The following TSPEAR variants were observed in gnomAD, a reference collection of about 807,000 sequenced individuals.
TSPEAR encodes thrombospondin-type laminin G domain and EAR repeat-containing protein.
A neutral mutation model predicts 71.6 loss-of-function variants in TSPEAR; 69 were observed. The observed-to-expected ratio is 0.96, with a 90% confidence interval of 0.79 to 1.18. The LOEUF is 1.18. Among genes scored for constraint, TSPEAR ranks in the 50% most tolerant of loss-of-function variants. The pLI is 0.00. For synonymous variants in TSPEAR, 402 were observed against 387.2 expected, an observed-to-expected ratio of 1.04 and a Z score of -0.45; for missense variants, 971 against 894.9, an observed-to-expected ratio of 1.09 and a Z score of -1.09.
chr21:44,612,189 T>C lies in TSPEAR; in HGVS notation c.83-44184A>G. The C allele has an allele frequency of 6.2e-7, 1 of 1,613,782 alleles. No homozygotes were observed. The highest frequency in any genetic ancestry group is 8.5e-7 in the Non-Finnish European group (1 of 1,179,968). On this transcript the variant is annotated intron_variant, in intron 1 of 11. Coordinates refer to ENST00000323084, the MANE Select transcript of TSPEAR (RefSeq NM_144991.3). The surrounding 1 kb of genome is among the most constrained non-coding windows in gnomAD (Gnocchi z 4.1). Reference sequence around the variant, plus strand: ...AGTGACGTGGGCCATGTCAGCCGAGTCTCCTCCCCCAGCACCTGCACTGGC... The same window carrying C: ...AGTGACGTGGGCCATGTCAGCCGAGCCTCCTCCCCCAGCACCTGCACTGGC...
chr21:44,504,967 A>G, intron 10 of TSPEAR, 86 bp from the exon 11 acceptor site: 2 of 1,066,128 alleles, frequency 1.9e-6, no homozygotes, highest in Non-Finnish European at 2.9e-6. Flanking sequence ...TCCAAAATTT[A>G]TAGAGGAGGA....
chr21:44,540,423 G>T (rs1158412432), intron 2 of TSPEAR, among the ~76,000 whole-genome samples: 1 of 152,146 alleles, frequency 6.6e-6, no homozygotes, highest in Non-Finnish European at 1.5e-5. Context: ...TGTCCCATGT[G>T]GATCCCTGGG....
intron 1 of TSPEAR, among the ~76,000 whole-genome samples, chr21:44,661,616 T>C (rs1985501532): frequency 6.6e-6 from 1 of 152,180 alleles, no homozygotes; most frequent in African/African-American, 2.4e-5. Flanking sequence ...GAGGTTTAAT[T>C]GGCTCACAGT....
chr21:44,688,597 G>A (rs1389970504), intron 1 of TSPEAR, among the ~76,000 whole-genome samples: 2 of 152,074 alleles, frequency 1.3e-5, no homozygotes, highest in Non-Finnish European at 2.9e-5. Flanking sequence ...GCGGGCGCCT[G>A]TAGTCCCAGC....
At chr21:44,581,483 C>T (rs2838594) in intron 1 of TSPEAR, among the ~76,000 whole-genome samples, 4,642 of 152,256 alleles carry the variant, frequency 0.03, 199 homozygotes, top group African/African-American at 0.094. Flanking sequence ...TAGTGTCCAG[C>T]GTTGCTGATG....
intron 2 of TSPEAR, among the ~76,000 whole-genome samples, chr21:44,564,055 CA>C (rs56232906): frequency 0.92 from 140,023 of 152,050 alleles, 64,663 homozygotes; most frequent in Non-Finnish European, 0.96. Context: ...AAGTAGATTA[CA>C]AAAAAAAATG....
chr21:44,696,279 C>A (rs782234417), intron 1 of TSPEAR, among the ~76,000 whole-genome samples: 1 of 152,234 alleles, frequency 6.6e-6, no homozygotes, highest in African/African-American at 2.4e-5. Flanking sequence ...TCTTCTCACA[C>A]AATCTGGGTT....
intron 1 of TSPEAR, among the ~76,000 whole-genome samples, chr21:44,639,847 C>T (rs1416812849): frequency 6.6e-6 from 1 of 152,206 alleles, no homozygotes; most frequent in Non-Finnish European, 1.5e-5. Flanking sequence ...CAGGACCCAG[C>T]CTGTCTGGCC....
At chr21:44,651,347 A>C (rs1163177390) in intron 1 of TSPEAR, among the ~76,000 whole-genome samples, 1 of 152,092 alleles carries the variant, frequency 6.6e-6, no homozygotes, top group African/African-American at 2.4e-5. Flanking sequence ...TGAGACAGAG[A>C]AGTTGGATGT....
At chr21:44,558,075 G>C (rs1555920129) in intron 2 of TSPEAR, 6 of 1,610,576 alleles carry the variant, frequency 3.7e-6, no homozygotes, top group South Asian at 2.2e-5. Flanking sequence ...CTGGCCTGAG[G>C]AGAGGCCGCA....
chr21:44,699,289 A>C (rs1987535490), intron 1 of TSPEAR, among the ~76,000 whole-genome samples: 1 of 144,738 alleles, frequency 6.9e-6, no homozygotes. Context: ...CTGAGGTGGG[A>C]GGATCACTTG....
chr21:44,536,143 G>T (rs782568763), intron 2 of TSPEAR, among the ~76,000 whole-genome samples: 23 of 152,338 alleles, frequency 1.5e-4, no homozygotes, highest in Admixed American at 7.2e-4. Context: ...CATGGCTGAT[G>T]GAGAGGAGGG....
intron 1 of TSPEAR, chr21:44,575,160 T>C (rs782813301): frequency 1.2e-4 from 106 of 878,416 alleles, no homozygotes; most frequent in South Asian, 6.8e-4. Context: ...ACTGAAAGTC[T>C]ATACTCAATG....
chr21:44,662,968 T>G (rs1022547970), intron 1 of TSPEAR, among the ~76,000 whole-genome samples: 1 of 151,518 alleles, frequency 6.6e-6, no homozygotes, highest in Non-Finnish European at 1.5e-5. Context: ...TAAAATAGTG[T>G]TTAGAGGGAT....
intron 1 of TSPEAR, among the ~76,000 whole-genome samples, chr21:44,703,524 G>C (rs1987759017): frequency 1.3e-5 from 2 of 152,350 alleles, no homozygotes; most frequent in South Asian, 2.1e-4. Context: ...AGCTGAAGCT[G>C]AGTGTCGCTG....
chr21:44,620,086 T>A (rs906036115), intron 1 of TSPEAR, among the ~76,000 whole-genome samples: 2 of 152,144 alleles, frequency 1.3e-5, no homozygotes, highest in Non-Finnish European at 2.9e-5. Context: ...TAAAAAGCAG[T>A]GGGACGGAAG....
In TSPEAR at chr21:44,535,267, A is replaced by G. The variant is rs1307630734; in HGVS notation, c.304-1344T>C. On this transcript the variant is annotated intron_variant, in intron 2 of 11. Transcript: ENST00000323084. Reference sequence around the variant, plus strand: ...TACCACAATTAAAAAACAAGAACGTATACAAATGCGGTGTCCACCAAGACC... The same window carrying G: ...TACCACAATTAAAAAACAAGAACGTGTACAAATGCGGTGTCCACCAAGACC... 2.0e-5 allele frequency among the ~76,000 whole-genome samples: 3 copies of G among 152,168 alleles called. No homozygotes were observed. The East Asian group carries it at 5.8e-4, about 29-fold the overall frequency.
chr21:44,544,825 T>G (rs1178149447), intron 2 of TSPEAR, among the ~76,000 whole-genome samples: 1 of 152,062 alleles, frequency 6.6e-6, no homozygotes, highest in African/African-American at 2.4e-5. Context: ...AGCAGACTGA[T>G]CAGCAGGGGC....
In TSPEAR at chr21:44,499,577, A is replaced by T; in HGVS notation, c.*206T>A. ...CCTCTGCCTGCAAGACCAGACCGTCACTGGGGCTGTGGCTCAGAAGGACTC... is the reference window on the plus strand; with the variant it reads ...CCTCTGCCTGCAAGACCAGACCGTCTCTGGGGCTGTGGCTCAGAAGGACTC... On this transcript the variant is annotated 3_prime_UTR_variant, in exon 12 of 12. Coordinates refer to ENST00000323084, the MANE Select transcript of TSPEAR (RefSeq NM_144991.3). 1 of 542,304 alleles carries T rather than the reference A, an allele frequency of 1.8e-6. No individual in the cohort carries two copies. The highest frequency in any genetic ancestry group is 3.2e-6 in the Non-Finnish European group (1 of 314,320). 33.6% of individuals were successfully genotyped at this position (542,304 alleles called of 1,614,324 possible). A position where few individuals can be genotyped will look rare whatever the true frequency, so the allele number is the denominator to read the frequency against.
Sources: gnomAD v4.1 joint callset for allele counts (sites outside exome capture counted in the v4.1 genomes callset) on GRCh38, gnomAD v4.1.1 for gene constraint, Gnocchi (gnomAD v3.1) non-coding constraint, MANE v1.5 for transcripts, NCBI Gene and HGNC (gene_info 2026-07-23, HGNC 2026-07-21) for gene names.